The following ENKUR variants were observed in gnomAD, a reference collection of about 807,000 sequenced individuals.
ENKUR encodes the protein enkurin.
A neutral mutation model predicts 27.6 loss-of-function variants in ENKUR; 19 were observed. The ratio of observed to expected loss-of-function variants is 0.69; its 90% CI spans 0.48 to 1.01. ENKUR has a LOEUF of 1.01. Among genes scored for constraint, ENKUR ranks in the 50% least tolerant of loss-of-function variants. ENKUR has a pLI of 0.00. For synonymous variants in ENKUR, 117 were observed against 96.9 expected, an observed-to-expected ratio of 1.21 and a Z score of -1.22; for missense variants, 312 against 310.5, an observed-to-expected ratio of 1.00 and a Z score of -0.04.
At chr10:25,044,679 G>A (rs1851102593) in intron 2 of ENKUR, among the ~76,000 whole-genome samples, 1 of 152,216 alleles carries the variant, frequency 6.6e-6, no homozygotes, top group African/African-American at 2.4e-5. Context: ...TTACAGGCAT[G>A]AGCCACCATG....
chr10:25,016,588 G>A (rs1564345749), upstream of ENKUR: 1 of 152,356 alleles, frequency 6.6e-6, no homozygotes, highest in Non-Finnish European at 1.5e-5. Flanking sequence ...CACGTGCCCT[G>A]CGCGAGGCCG....
intron 1 of ENKUR, among the ~76,000 whole-genome samples, chr10:25,001,868 G>T (rs1850195635): frequency 6.6e-6 from 1 of 151,944 alleles, no homozygotes; most frequent in Non-Finnish European, 1.5e-5. Flanking sequence ...GTTTTCTCTT[G>T]GTTATGCATT....
intron 4 of ENKUR, among the ~76,000 whole-genome samples, chr10:24,988,988 A>G (rs10764515): frequency 0.48 from 73,205 of 151,336 alleles, 18,655 homozygotes; most frequent in African/African-American, 0.66. Context: ...ATTTGCTATC[A>G]TCACATCAAA....
intron 2 of ENKUR, among the ~76,000 whole-genome samples, chr10:25,038,416 C>T (rs1355480955): frequency 6.6e-6 from 1 of 152,172 alleles, no homozygotes; most frequent in African/African-American, 2.4e-5. Flanking sequence ...ATTTGTTTTA[C>T]TTTTAGGAGG....
In ENKUR at chr10:24,983,778, C is replaced by T. The variant is rs1016378014; in HGVS notation, c.*592G>A. 6.6e-6 allele frequency: 1 copy of T among 152,078 alleles called. No individual in the cohort carries two copies. The highest frequency in any genetic ancestry group is 2.1e-4 in the South Asian group (1 of 4,820). The allele number at this position is 152,078 out of a possible 1,614,324, so 9.4% of individuals were successfully genotyped here. On this transcript the variant is annotated 3_prime_UTR_variant, in exon 6 of 6. Transcript: ENST00000331161. ...GTGTAAGCAGTAGAAATTGTTATTT[C>T]TCTGATATTTTATAGTTGCATATAT...
At chr10:25,004,483 G>T (rs557868222) in intron 1 of ENKUR, among the ~76,000 whole-genome samples, 5 of 152,116 alleles carry the variant, frequency 3.3e-5, no homozygotes, top group Non-Finnish European at 7.3e-5. Context: ...GTATCTCATT[G>T]TAGTTTTGAT....
chr10:25,012,399 C>T (rs1725087983), intron 1 of ENKUR, among the ~76,000 whole-genome samples: 1 of 152,200 alleles, frequency 6.6e-6, no homozygotes. Flanking sequence ...ATGCACCATG[C>T]ACCCAGAAAA....
chr10:25,025,385 A>G (rs760288797), intron 2 of ENKUR: 4 of 1,614,258 alleles, frequency 2.5e-6, no homozygotes, highest in Non-Finnish European at 3.4e-6. Flanking sequence ...ATGGAGTACC[A>G]GGTCTGTGCA....
chr10:25,038,967 G>T (rs1287873540), intron 2 of ENKUR, among the ~76,000 whole-genome samples: 1 of 152,148 alleles, frequency 6.6e-6, no homozygotes, highest in East Asian at 1.9e-4. Flanking sequence ...AGATCACCTT[G>T]ATAATTTGTT....
At chr10:25,014,304 C>T (rs1029364981) in intron 1 of ENKUR, among the ~76,000 whole-genome samples, 3 of 152,122 alleles carry the variant, frequency 2.0e-5, no homozygotes, top group African/African-American at 7.2e-5. Context: ...TGACTTTAAC[C>T]TAACAGAAAT....
At chr10:25,037,109 A>G (rs146429790) in intron 2 of ENKUR, among the ~76,000 whole-genome samples, 136 of 152,338 alleles carry the variant, frequency 8.9e-4, no homozygotes, top group African/African-American at 3.2e-3. Context: ...GAGTGCCTGT[A>G]TGGAGTTGTG....
intron 3 of ENKUR, among the ~76,000 whole-genome samples, chr10:24,993,146 G>A (rs1849962458): frequency 6.6e-6 from 1 of 151,908 alleles, no homozygotes. Flanking sequence ...ATTAAATTAA[G>A]TGTTTTTAAA....
intron 2 of ENKUR, among the ~76,000 whole-genome samples, chr10:25,047,019 G>A (rs749891963): frequency 2.6e-5 from 4 of 152,110 alleles, no homozygotes; most frequent in Non-Finnish European, 2.9e-5. Context: ...CTCTTACTTT[G>A]CTTTTCACCG....
intron 2 of ENKUR, among the ~76,000 whole-genome samples, chr10:25,058,264 G>A (rs1588687988): frequency 6.6e-6 from 1 of 152,250 alleles, no homozygotes; most frequent in African/African-American, 2.4e-5. Context: ...CTGGAGTACA[G>A]TGGTATGATC....
chr10:24,990,816 A>C (rs1192507295), intron 3 of ENKUR, among the ~76,000 whole-genome samples: 1 of 152,158 alleles, frequency 6.6e-6, no homozygotes, highest in Non-Finnish European at 1.5e-5. Context: ...GTTATTGCCC[A>C]GGCATAGTGG....
At chr10:25,033,796 A>T (rs973619351) in intron 2 of ENKUR, among the ~76,000 whole-genome samples, 1 of 151,170 alleles carries the variant, frequency 6.6e-6, no homozygotes, top group Non-Finnish European at 1.5e-5. Context: ...AACTGTGTTT[A>T]GTATGTATGT....
At chr10:25,028,837 T>C (rs1294852415) in intron 2 of ENKUR, among the ~76,000 whole-genome samples, 2 of 152,244 alleles carry the variant, frequency 1.3e-5, no homozygotes, top group Admixed American at 1.3e-4. Context: ...TTCCTCCAGC[T>C]GTAACTACAT....
upstream of ENKUR, among the ~76,000 whole-genome samples, chr10:25,018,335 C>T (rs1850649817): frequency 6.6e-6 from 1 of 152,158 alleles, no homozygotes; most frequent in African/African-American, 2.4e-5. Context: ...CCTGTGTCCA[C>T]CGCATGTCCA....
intron 2 of ENKUR, chr10:25,024,399 T>A: frequency 6.2e-7 from 1 of 1,613,910 alleles, no homozygotes; most frequent in Non-Finnish European, 8.5e-7. Flanking sequence ...GTTTTAGTCG[T>A]CTAAATAAGA....
Sources: allele counts gnomAD v4.1 joint callset (sites outside exome capture counted in the v4.1 genomes callset), GRCh38; gene constraint gnomAD v4.1.1; transcripts MANE v1.5; gene names NCBI Gene and HGNC (gene_info 2026-07-23, HGNC 2026-07-21).